SOX5: variants seen among roughly 807,000 people sequenced by gnomAD.
SOX5 encodes transcription factor SOX-5.
Under a neutral mutation model 92.0 loss-of-function variants are expected in SOX5, and 9 were observed. The observed-to-expected ratio is 0.10, with a 90% CI of 0.06 to 0.17. The LOEUF is 0.17. SOX5 is among the 10% of genes least tolerant of loss of function. The probability of loss-of-function intolerance (pLI) is 1.00; values close to 1 mark genes in which losing one functional copy is unlikely to be tolerated. For synonymous variants in SOX5, 344 were observed against 336.3 expected, an observed-to-expected ratio of 1.02 and a Z score of -0.25; for missense variants, 642 against 944.5, an observed-to-expected ratio of 0.68 and a Z score of 4.20.
chr12:24,247,004 A>G (rs181686156), intron 3 of SOX5, among the ~76,000 whole-genome samples: 213 of 152,310 alleles, frequency 1.4e-3, no homozygotes, highest in Non-Finnish European at 2.2e-3. Context: ...ACATTTTAAA[A>G]AAAGAAACAA....
At chr12:24,442,069 G>C (rs148073560) in intron 1 of SOX5, among the ~76,000 whole-genome samples, 171 of 152,292 alleles carry the variant, frequency 1.1e-3, no homozygotes, top group African/African-American at 4.1e-3. Context: ...AAAGCAATAA[G>C]TAAATGAGAA....
At chr12:24,429,000 A>G (rs1166233658) in intron 1 of SOX5, among the ~76,000 whole-genome samples, 26 of 152,084 alleles carry the variant, frequency 1.7e-4, no homozygotes, top group Admixed American at 1.7e-3. Flanking sequence ...ATGAGCAACA[A>G]TTAAGTCAGT....
upstream of SOX5, among the ~76,000 whole-genome samples, chr12:23,952,075 C>A (rs1945728305): frequency 6.6e-6 from 1 of 152,044 alleles, no homozygotes; most frequent in Non-Finnish European, 1.5e-5. Context: ...TAGCTATATA[C>A]ACTTTTAAAA....
intron 6 of SOX5, among the ~76,000 whole-genome samples, chr12:23,731,009 C>T (rs1388840102): frequency 6.6e-6 from 1 of 152,268 alleles, no homozygotes; most frequent in Admixed American, 6.5e-5. Flanking sequence ...TCAATGTGGG[C>T]AGGCACCTTC....
intron 1 of SOX5, among the ~76,000 whole-genome samples, chr12:24,402,618 C>A (rs2136659330): frequency 6.6e-6 from 1 of 152,208 alleles, no homozygotes; most frequent in South Asian, 2.1e-4. Flanking sequence ...AGAAAGAATG[C>A]AAAATTGTGA....
At chr12:24,176,977 G>GTTTTTTTTTTTT (rs11295163) in intron 4 of SOX5, among the ~76,000 whole-genome samples, 7 of 135,096 alleles carry the variant, frequency 5.2e-5, no homozygotes, top group Non-Finnish European at 9.6e-5. Flanking sequence ...TTTGTTTTTT[G>GTTTTTTTTTTTT]TTTTTTTTTT....
At chr12:23,663,834 A>G (rs111733201) in intron 7 of SOX5, among the ~76,000 whole-genome samples, 2 of 152,250 alleles carry the variant, frequency 1.3e-5, no homozygotes, top group African/African-American at 4.8e-5. Flanking sequence ...GAATGAATAT[A>G]GTATTTAATT....
chr12:23,569,834 C>T (rs190462109), intron 10 of SOX5, among the ~76,000 whole-genome samples: 18 of 152,342 alleles, frequency 1.2e-4, no homozygotes, highest in Admixed American at 9.8e-4. Flanking sequence ...CACATGTGTT[C>T]CTTCAAAACC....
At chr12:23,963,487 C>G (rs1569289630) in intron 4 of SOX5, among the ~76,000 whole-genome samples, 1 of 152,094 alleles carries the variant, frequency 6.6e-6, no homozygotes, top group Non-Finnish European at 1.5e-5. Context: ...AGGGGAATGT[C>G]CTTGATCCTT....
intron 3 of SOX5, among the ~76,000 whole-genome samples, chr12:23,808,602 TA>T (rs936296489): frequency 4.6e-5 from 7 of 152,156 alleles, no homozygotes; most frequent in African/African-American, 1.7e-4. Context: ...ATATATACTA[TA>T]AAAAATAAGA....
intron 1 of SOX5, among the ~76,000 whole-genome samples, chr12:24,517,423 T>TA (rs1379692951): frequency 6.6e-6 from 1 of 152,024 alleles, no homozygotes; most frequent in Non-Finnish European, 1.5e-5. Context: ...AAATGGCAGT[T>TA]ACAAGAAAGG....
rs10527019 is a variant in SOX5, at chr12:24,326,791, T to TACAC, written c.-174+41768_-174+41771dup. 5.8e-3 allele frequency among the ~76,000 whole-genome samples: 863 copies of TACAC among 148,840 alleles called. 5 individuals are homozygous for TACAC. The highest frequency in any genetic ancestry group is 0.014 in the African/African-American group (577 of 40,402). Reference sequence around the variant, plus strand: ...CCACCCACCCATTCATACACACACATACACACACACACACACACAGGTCTA... The same window carrying TACAC: ...CCACCCACCCATTCATACACACACATACACACACACACACACACACACAGGTCTA... On this transcript the variant is annotated intron_variant, in intron 2 of 4. Transcript: ENST00000446891.
At chr12:23,658,500 T>A (rs2082603584) in intron 7 of SOX5, among the ~76,000 whole-genome samples, 1 of 152,160 alleles carries the variant, frequency 6.6e-6, no homozygotes, top group Non-Finnish European at 1.5e-5. Flanking sequence ...TTTACAAAGC[T>A]TTACAACTAA....
chr12:23,764,372 A>C (rs2141383935), intron 3 of SOX5, among the ~76,000 whole-genome samples: 1 of 152,208 alleles, frequency 6.6e-6, no homozygotes, highest in East Asian at 1.9e-4. Flanking sequence ...ATACTGCAAG[A>C]ACTATAAGCT....
intron 3 of SOX5, among the ~76,000 whole-genome samples, chr12:24,264,258 CA>C (rs1942689306): frequency 6.6e-6 from 1 of 152,110 alleles, no homozygotes; most frequent in African/African-American, 2.4e-5. Flanking sequence ...AAGGATAAAT[CA>C]ACACATTGAG....
At chr12:24,394,182 C>T (rs1959243620) in intron 1 of SOX5, among the ~76,000 whole-genome samples, 1 of 152,102 alleles carries the variant, frequency 6.6e-6, no homozygotes, top group Non-Finnish European at 1.5e-5. Flanking sequence ...CATGCCCCAT[C>T]ATACTAAGAG....
At chr12:24,049,864 A>G (rs1957395806) in intron 4 of SOX5, among the ~76,000 whole-genome samples, 2 of 151,826 alleles carry the variant, frequency 1.3e-5, no homozygotes, top group Non-Finnish European at 2.9e-5. Flanking sequence ...GTCGGAGGGA[A>G]GTGGAGCCAG....
At chr12:24,059,941 A>G (rs763945296) in intron 4 of SOX5, among the ~76,000 whole-genome samples, 2 of 152,216 alleles carry the variant, frequency 1.3e-5, no homozygotes, top group Non-Finnish European at 2.9e-5. Flanking sequence ...AATAAAAATG[A>G]TATAAAAATG....
chr12:23,641,522 G>A (rs906622921), intron 7 of SOX5, among the ~76,000 whole-genome samples: 5 of 151,862 alleles, frequency 3.3e-5, no homozygotes, highest in Admixed American at 2.0e-4. Context: ...CCTTCCCCCC[G>A]ACATTTTTTA....
Sources: allele counts gnomAD v4.1 joint callset (sites outside exome capture counted in the v4.1 genomes callset), GRCh38; gene constraint gnomAD v4.1.1; transcripts MANE v1.5; gene names NCBI Gene and HGNC (gene_info 2026-07-23, HGNC 2026-07-21).